Variants in MALAT1 observed in about 807,000 individuals in gnomAD.
MALAT1 encodes the protein hepcarcin.
At chr11:65,498,665 T>G (rs748620142) in intron 1 of MALAT1, 1 of 518,310 alleles carries the variant, frequency 1.9e-6, no homozygotes, top group South Asian at 1.4e-5. Context: ...TATCACACTT[T>G]AATCTTCCTT....
chr11:65,505,286 G>C (rs1463990975), intron 3 of MALAT1: 1 of 518,724 alleles, frequency 1.9e-6, no homozygotes, highest in African/African-American at 1.9e-5. Context: ...AAGGTCAAGA[G>C]AAGTGTCAGC....
In MALAT1 at chr11:65,498,002, C is replaced by T. The variant is rs372216878; in HGVS notation, n.178+137C>T. The T allele has an allele frequency of 1.7e-4, 88 of 518,922 alleles. No homozygotes were observed. In the East Asian group the frequency reaches 3.9e-3, roughly 23 times the overall value. The allele number at this position is 518,922 out of a possible 1,614,324, so 32.1% of individuals were successfully genotyped here. Reference sequence around the variant, plus strand: ...TGGTATTTAGATAAAACCACTCAAACTCTGCAGTTTGGTCTTGGGGTTTGG... The same window carrying T: ...TGGTATTTAGATAAAACCACTCAAATTCTGCAGTTTGGTCTTGGGGTTTGG... On this transcript the variant is annotated intron_variant and non_coding_transcript_variant, in intron 1 of 3. Coordinates refer to ENST00000619449, the Ensembl canonical transcript of MALAT1.
At chr11:65,504,036 T>G (rs1216615222) in intron 3 of MALAT1, 2 of 518,130 alleles carry the variant, frequency 3.9e-6, no homozygotes, top group South Asian at 2.8e-5. Flanking sequence ...CTTTAAATGC[T>G]TACAATCTTA....
chr11:65,502,057 T>TG (rs1170636744), exon 3 of MALAT1: 1 of 517,442 alleles, frequency 1.9e-6, no homozygotes, highest in East Asian at 5.5e-5. Context: ...ATTGGGAAGC[T>TG]GGGGGAAGTT....
At chr11:65,505,409 C>T (rs764677048) in intron 3 of MALAT1, 7 of 514,886 alleles carry the variant, frequency 1.4e-5, no homozygotes, top group Non-Finnish European at 2.7e-5. Context: ...TTTAAGCAAG[C>T]TGTTTTTATA....
exon 3 of MALAT1, chr11:65,501,876 G>T: frequency 3.9e-6 from 2 of 517,424 alleles, no homozygotes; most frequent in Non-Finnish European, 7.7e-6. Flanking sequence ...GTTGGCAGTG[G>T]CCTGTTACGG....
At chr11:65,505,478 G>A (rs1854662628) in intron 3 of MALAT1, 1 of 513,330 alleles carries the variant, frequency 1.9e-6, no homozygotes, top group Non-Finnish European at 3.9e-6. Flanking sequence ...GGGAAAGGGG[G>A]AAAGCGGGCA....
exon 3 of MALAT1, chr11:65,502,632 T>C (rs766996081): frequency 2.1e-5 from 10 of 478,680 alleles, no homozygotes; most frequent in Non-Finnish European, 4.0e-5. Flanking sequence ...TTTTTTTTTC[T>C]ATAGACTTTT....
chr11:65,502,305 T>C (rs767053953), exon 3 of MALAT1: 7 of 516,978 alleles, frequency 1.4e-5, no homozygotes, highest in African/African-American at 1.9e-5. Context: ...TTAATAATAA[T>C]TTAAAACTAC....
At chr11:65,500,384 T>G (rs761915580) in exon 3 of MALAT1, 1 of 518,854 alleles carries the variant, frequency 1.9e-6, no homozygotes, top group Non-Finnish European at 3.8e-6. Flanking sequence ...TAGCATTAAT[T>G]GACAGCTGAC....
exon 3 of MALAT1, chr11:65,503,469 G>A (rs1285094227): frequency 3.9e-6 from 2 of 517,352 alleles, no homozygotes; most frequent in Non-Finnish European, 7.7e-6. Flanking sequence ...GCCAACTAAG[G>A]AAATTTGTTT....
exon 3 of MALAT1, chr11:65,503,096 C>T (rs775290253): frequency 2.0e-6 from 1 of 509,748 alleles, no homozygotes; most frequent in Admixed American, 2.0e-5. Flanking sequence ...GTGCTGTGTG[C>T]CAATGTTTCG....
chr11:65,499,096 T>A (rs556713075), exon 3 of MALAT1: 2 of 518,258 alleles, frequency 3.9e-6, no homozygotes, highest in East Asian at 5.4e-5. Flanking sequence ...CAGGCGGAGC[T>A]TGAGGAAACC....
intron 2 of MALAT1, chr11:65,498,735 G>A (rs1015577467): frequency 1.9e-6 from 1 of 518,698 alleles, no homozygotes; most frequent in African/African-American, 1.9e-5. Context: ...GCTTTAAGAG[G>A]TATTTTAAAA....
At chr11:65,503,110 G>C (rs750755377) in exon 3 of MALAT1, 3 of 508,556 alleles carry the variant, frequency 5.9e-6, no homozygotes, top group Non-Finnish European at 1.2e-5. Flanking sequence ...TGTTTCGTTT[G>C]CCTCAGACAG....
At chr11:65,504,160 C>A in intron 3 of MALAT1, 1 of 516,492 alleles carries the variant, frequency 1.9e-6, no homozygotes, top group African/African-American at 1.9e-5. Context: ...TGAAGCCATT[C>A]AGGATTTTGA....
chr11:65,501,569 G>GT (rs761519517), exon 3 of MALAT1: 6 of 518,522 alleles, frequency 1.2e-5, no homozygotes, highest in Admixed American at 7.8e-5. Flanking sequence ...GGGAGAAAAT[G>GT]TTTTTTTCTA....
At chr11:65,505,370 C>CTT (rs35793653) in intron 3 of MALAT1, 5,692 of 518,344 alleles carry the variant, frequency 0.011, 241 homozygotes, top group African/African-American at 0.092. Flanking sequence ...CGAAGGAATG[C>CTT]TTGAAGTACC....
intron 3 of MALAT1, chr11:65,506,221 CT>C: frequency 2.2e-6 from 1 of 455,294 alleles, no homozygotes; most frequent in South Asian, 1.7e-5. Context: ...TGTATTTCTC[CT>C]TTTCTCTGCA....
Sources: allele counts gnomAD v4.1 joint callset, GRCh38; gene constraint gnomAD v4.1.1; transcripts MANE v1.5; gene names NCBI Gene and HGNC (gene_info 2026-07-23, HGNC 2026-07-21).